RP1: variants seen among roughly 807,000 people sequenced by gnomAD.
RP1 encodes oxygen-regulated protein 1.
Under a neutral mutation model 14.8 loss-of-function variants are expected in RP1, and 16 were observed. The observed-to-expected ratio is 1.08, with a 90% CI of 0.73 to 1.65. The LOEUF is 1.65. RP1 is among the 40% of genes most tolerant of loss of function. The pLI is 0.00. For missense variants in RP1, 2,631 were observed against 2,535.0 expected (o/e 1.04, Z -0.81); for synonymous variants, 876 against 883.6 (o/e 0.99, Z 0.15).
At chr8:54,824,781 C>T (rs1811342626) in intron 24 of RP1, among the ~76,000 whole-genome samples, 1 of 152,040 alleles carries the variant, frequency 6.6e-6, no homozygotes, top group African/African-American at 2.4e-5. Flanking sequence ...TCAGTTGTAA[C>T]CTGTTATATT....
rs748061199 is a variant in RP1 at position 54,720,238 on chromosome 8, A to G, written c.2321A>G (p.Asp774Gly). Reference sequence around the variant, plus strand: ...GGATTGTTTGTTGGACTTCAGTCAGATGGGCAGGCAAAACCAATGATTTAT... The same window carrying G: ...GGATTGTTTGTTGGACTTCAGTCAGGTGGGCAGGCAAAACCAATGATTTAT... The change falls in exon 16 of 23, where the codon GAT becomes GGT. Residue 774 changes from aspartate (D) to glycine (G), a missense_variant. Transcript: ENST00000636932. 5.2e-6 allele frequency: 8 copies of G among 1,536,010 alleles called. No individual in the cohort carries two copies. In the South Asian group the frequency reaches 9.5e-5, roughly 18 times the overall value.
chr8:54,783,714 A>T (rs1810247616), intron 24 of RP1: 2 of 1,228,720 alleles, frequency 1.6e-6, no homozygotes, highest in African/African-American at 3.1e-5. Context: ...ATTCAAGGTA[A>T]AAATGATACA....
At chr8:54,681,885 A>G (rs1273782017) in intron 12 of RP1, among the ~76,000 whole-genome samples, 1 of 152,120 alleles carries the variant, frequency 6.6e-6, no homozygotes, top group Non-Finnish European at 1.5e-5. Context: ...ATTTCTTTTT[A>G]TGGCTGCATA....
intron 24 of RP1, among the ~76,000 whole-genome samples, chr8:54,793,825 A>G (rs1290353593): frequency 2.0e-5 from 3 of 151,976 alleles, no homozygotes; most frequent in Non-Finnish European, 4.4e-5. Flanking sequence ...AGTGCTAGTT[A>G]GAATAATTAG....
intron 27 of RP1, among the ~76,000 whole-genome samples, chr8:54,863,332 A>G (rs1340811143): frequency 6.6e-6 from 1 of 152,176 alleles, no homozygotes; most frequent in African/African-American, 2.4e-5. Flanking sequence ...AGGCTGTGCC[A>G]TATCACCTAG....
At chr8:54,865,174 G>T (rs540444126) in intron 27 of RP1, among the ~76,000 whole-genome samples, 34 of 151,756 alleles carry the variant, frequency 2.2e-4, no homozygotes, top group Admixed American at 2.0e-3. Context: ...AAATACACTG[G>T]ATTTTTATGT....
intron 12 of RP1, chr8:54,699,403 A>G: frequency 3.3e-6 from 2 of 603,158 alleles, no homozygotes; most frequent in Non-Finnish European, 5.2e-6. Flanking sequence ...ATTTCAGTAT[A>G]TATTGAATGA....
chr8:54,693,644 C>G (rs181237218), intron 12 of RP1, among the ~76,000 whole-genome samples: 246 of 152,174 alleles, frequency 1.6e-3, no homozygotes, highest in African/African-American at 5.6e-3. Flanking sequence ...TATAAGAATG[C>G]TTGTGATTTT....
At chr8:54,637,305 G>A (rs755360935) in intron 3 of RP1, among the ~76,000 whole-genome samples, 3 of 152,170 alleles carry the variant, frequency 2.0e-5, no homozygotes, top group Non-Finnish European at 2.9e-5. Context: ...CACAGTGAGT[G>A]CCTAGCTGGA....
At chr8:54,586,708 C>T (rs1454203208) in intron 1 of RP1, among the ~76,000 whole-genome samples, 1 of 152,206 alleles carries the variant, frequency 6.6e-6, no homozygotes, top group Non-Finnish European at 1.5e-5. Context: ...GCGCCCCTCC[C>T]CCAGCCTCGC....
chr8:54,812,750 G>A (rs1374664933), intron 24 of RP1, among the ~76,000 whole-genome samples: 1 of 146,838 alleles, frequency 6.8e-6, no homozygotes, highest in Admixed American at 6.9e-5. Context: ...ATGTATCCAT[G>A]TATCTATCTA....
chr8:54,613,948 G>A (rs1005813724), upstream of RP1, among the ~76,000 whole-genome samples: 8 of 152,210 alleles, frequency 5.3e-5, no homozygotes, highest in African/African-American at 1.4e-4. Flanking sequence ...TCATGGAAGT[G>A]TGTTAAAAGA....
At chr8:54,791,368 A>G (rs1810461965) in intron 24 of RP1, among the ~76,000 whole-genome samples, 1 of 152,158 alleles carries the variant, frequency 6.6e-6, no homozygotes, top group East Asian at 1.9e-4. Context: ...AAATGAAAAG[A>G]CACTAATTAA....
intron 25 of RP1, among the ~76,000 whole-genome samples, chr8:54,843,710 G>A (rs538651363): frequency 2.0e-5 from 3 of 152,118 alleles, no homozygotes; most frequent in Admixed American, 6.5e-5. Context: ...AAGTTTGGTC[G>A]CTCTGACTGC....
intron 24 of RP1, among the ~76,000 whole-genome samples, chr8:54,812,674 T>C (rs1452772389): frequency 6.6e-6 from 1 of 152,204 alleles, no homozygotes; most frequent in Non-Finnish European, 1.5e-5. Flanking sequence ...ATTCTACTGG[T>C]TCTCAGGCAT....
exon 27 of RP1, chr8:54,857,086 G>T: frequency 8.2e-7 from 1 of 1,222,300 alleles, no homozygotes; most frequent in Non-Finnish European, 1.0e-6. Context: ...GTTCTGATTA[G>T]TCATGATGGA....
chr8:54,792,721 T>C (rs1044514144), intron 24 of RP1, among the ~76,000 whole-genome samples: 3 of 151,760 alleles, frequency 2.0e-5, no homozygotes, highest in Non-Finnish European at 4.4e-5. Context: ...TAACTGTAAA[T>C]GGCTACATTA....
At chr8:54,807,455 G>T (rs1288024190) in intron 24 of RP1, among the ~76,000 whole-genome samples, 1 of 152,104 alleles carries the variant, frequency 6.6e-6, no homozygotes, top group East Asian at 1.9e-4. Context: ...GACCACATAT[G>T]TGTAAATGCA....
rs371614106 is a variant in RP1 at position 54,625,825 on chromosome 8, A to C, written c.1943A>C (p.Glu648Ala). ...VTARIDRLIN[E>A]FAQCGLTKLP... ...GCAAGAATTGACAGACTAATTAATG[A>C]ATTTGCTCAGTGTGGTTTAACAAAA... is the stretch of plus-strand genomic sequence containing the variant. The change falls in exon 4 of 4, where the codon GAA (glutamate) becomes GCA (alanine). Residue 648 changes from glutamate to alanine, a missense_variant. Transcript: ENST00000220676. 30 of 1,613,498 alleles carry C rather than the reference A, an allele frequency of 1.9e-5. No individual in the cohort carries two copies. In the African/African-American group the frequency reaches 3.9e-4, roughly 21 times the overall value.
Sources: allele counts gnomAD v4.1 joint callset (sites outside exome capture counted in the v4.1 genomes callset), GRCh38; gene constraint gnomAD v4.1.1; transcripts MANE v1.5; gene names NCBI Gene and HGNC (gene_info 2026-07-23, HGNC 2026-07-21).